The following AGBL4 variants were observed in gnomAD, a reference collection of about 807,000 sequenced individuals.
The protein encoded by AGBL4 is cytosolic carboxypeptidase 6.
A neutral mutation model predicts 66.4 loss-of-function variants in AGBL4; 58 were observed. The observed-to-expected ratio is 0.87, with a 90% CI of 0.71 to 1.09. AGBL4 has a LOEUF of 1.09. Among genes scored for constraint, AGBL4 ranks in the 50% least tolerant of loss-of-function variants. AGBL4 has a pLI of 0.00. For synonymous variants in AGBL4, 234 were observed against 222.9 expected (o/e 1.05, Z -0.44); for missense variants, 579 against 631.0 (o/e 0.92, Z 0.88).
At chr1:49,439,824 G>T (rs1191588609) in intron 3 of AGBL4, among the ~76,000 whole-genome samples, 1 of 152,072 alleles carries the variant, frequency 6.6e-6, no homozygotes, top group Non-Finnish European at 1.5e-5. Flanking sequence ...GGCTTTCCTT[G>T]CTCCTCAGCT....
chr1:49,695,571 A>C (rs963541189), intron 3 of AGBL4, among the ~76,000 whole-genome samples: 3 of 152,086 alleles, frequency 2.0e-5, no homozygotes, highest in East Asian at 3.9e-4. Flanking sequence ...GAGAATGCCT[A>C]CTGTTACTGT....
At chr1:49,450,891 T>C (rs1646263799) in intron 3 of AGBL4, among the ~76,000 whole-genome samples, 4 of 152,056 alleles carry the variant, frequency 2.6e-5, no homozygotes, top group Non-Finnish European at 4.4e-5. Flanking sequence ...TGTAACAAAT[T>C]ACCATAAACT....
chr1:49,320,304 C>G (rs1303511050), intron 3 of AGBL4, among the ~76,000 whole-genome samples: 1 of 152,060 alleles, frequency 6.6e-6, no homozygotes, highest in Non-Finnish European at 1.5e-5. Flanking sequence ...TGACATTTCT[C>G]TAGCTATGAG....
At chr1:49,795,625 C>T (rs1448606240) in intron 2 of AGBL4, among the ~76,000 whole-genome samples, 2 of 151,312 alleles carry the variant, frequency 1.3e-5, no homozygotes, top group Non-Finnish European at 1.5e-5. Context: ...AAACCACAGA[C>T]CGTGTGTGTG....
chr1:49,630,860 T>A (rs938134678), intron 3 of AGBL4, among the ~76,000 whole-genome samples: 1 of 152,128 alleles, frequency 6.6e-6, no homozygotes, highest in Non-Finnish European at 1.5e-5. Flanking sequence ...GTATTATTTG[T>A]AGTAGTAGTA....
chr1:49,639,041 A>G (rs1306801865), intron 3 of AGBL4, among the ~76,000 whole-genome samples: 1 of 152,168 alleles, frequency 6.6e-6, no homozygotes, highest in Non-Finnish European at 1.5e-5. Context: ...AAGGATCCCA[A>G]TACAAACCCA....
At chr1:48,667,045 T>C (rs1646199640) in intron 6 of AGBL4, among the ~76,000 whole-genome samples, 1 of 152,226 alleles carries the variant, frequency 6.6e-6, no homozygotes, top group Non-Finnish European at 1.5e-5. Context: ...ATTCTCAAAT[T>C]TGTGCTTTTA....
intron 4 of AGBL4, among the ~76,000 whole-genome samples, chr1:49,059,598 A>G (rs1644366780): frequency 6.6e-6 from 1 of 152,178 alleles, no homozygotes; most frequent in Non-Finnish European, 1.5e-5. Flanking sequence ...AGAATGGTAC[A>G]TCCACTGACA....
At chr1:48,528,507 G>A (rs566135403), downstream of AGBL4, among the ~76,000 whole-genome samples, 1 of 152,164 alleles carries the variant, frequency 6.6e-6, no homozygotes, top group South Asian at 2.1e-4. Flanking sequence ...ACTTGTTCGG[G>A]CTTAGTGTCG....
At chr1:49,002,646 T>A (rs1661479374) in intron 5 of AGBL4, among the ~76,000 whole-genome samples, 1 of 152,232 alleles carries the variant, frequency 6.6e-6, no homozygotes, top group Non-Finnish European at 1.5e-5. Flanking sequence ...AGAACTCTTA[T>A]AATTTAATCT....
At chr1:48,797,291 G>C (rs1558001664) in intron 6 of AGBL4, among the ~76,000 whole-genome samples, 1 of 152,144 alleles carries the variant, frequency 6.6e-6, no homozygotes, top group Non-Finnish European at 1.5e-5. Flanking sequence ...TTCTTTAGTG[G>C]TGATTTCTGA....
chr1:48,759,511 T>C, intron 6 of AGBL4: 1 of 869,058 alleles, frequency 1.2e-6, no homozygotes, highest in Non-Finnish European at 1.7e-6. Flanking sequence ...CCCAAAGTCA[T>C]AACCAGGACA....
At chr1:48,729,288 C>T (rs1647709259) in intron 6 of AGBL4, among the ~76,000 whole-genome samples, 1 of 152,176 alleles carries the variant, frequency 6.6e-6, no homozygotes, top group South Asian at 2.1e-4. Context: ...TGTTAAATAA[C>T]TGAATAAATG....
chr1:48,712,199 C>T (rs1006806798), intron 6 of AGBL4, among the ~76,000 whole-genome samples: 2 of 152,212 alleles, frequency 1.3e-5, no homozygotes, highest in Admixed American at 6.5e-5. Flanking sequence ...GGGCTTTCCA[C>T]ACATATCCCT....
At chr1:49,891,688 G>C (rs1464753102) in intron 1 of AGBL4, among the ~76,000 whole-genome samples, 2 of 152,154 alleles carry the variant, frequency 1.3e-5, no homozygotes, top group African/African-American at 4.8e-5. Flanking sequence ...GCAATCCAAA[G>C]GCTAGCAGAA....
chr1:48,898,030 C>T (rs963133362), intron 5 of AGBL4, among the ~76,000 whole-genome samples: 3 of 152,044 alleles, frequency 2.0e-5, no homozygotes, highest in Non-Finnish European at 4.4e-5. Context: ...CCAGGATGGT[C>T]TCGATCTCTT....
chr1:49,988,120 T>C (rs1233026299), intron 1 of AGBL4, among the ~76,000 whole-genome samples: 2 of 152,104 alleles, frequency 1.3e-5, no homozygotes, highest in Non-Finnish European at 2.9e-5. Flanking sequence ...ATCAATTTTA[T>C]AAATATATTA....
At chr1:49,638,865 T>C (rs1421065861) in intron 3 of AGBL4, among the ~76,000 whole-genome samples, 1 of 152,132 alleles carries the variant, frequency 6.6e-6, no homozygotes, top group African/African-American at 2.4e-5. Context: ...GCCAAGAAGA[T>C]ACTACTAACA....
intron 11 of AGBL4, among the ~76,000 whole-genome samples, chr1:48,551,004 C>T (rs1274371608): frequency 6.6e-6 from 1 of 152,186 alleles, no homozygotes; most frequent in African/African-American, 2.4e-5. Flanking sequence ...CTTCAGCATC[C>T]TAATTGGTCT....
Sources: gnomAD v4.1 joint callset for allele counts (sites outside exome capture counted in the v4.1 genomes callset) on GRCh38, gnomAD v4.1.1 for gene constraint, MANE v1.5 for transcripts, NCBI Gene and HGNC (gene_info 2026-07-23, HGNC 2026-07-21) for gene names.